CAPRIN1: variants seen among roughly 807,000 people sequenced by gnomAD.
The protein encoded by CAPRIN1 is caprin-1.
Under a neutral mutation model 100.9 loss-of-function variants are expected in CAPRIN1, and 29 were observed. The observed-to-expected ratio is 0.29, with a 90% CI of 0.21 to 0.39. The LOEUF is 0.39. CAPRIN1 is among the 10% of genes least tolerant of loss of function. The pLI is 1.00. For synonymous variants in CAPRIN1, 338 were observed against 307.5 expected (o/e 1.10, Z -1.04); for missense variants, 795 against 876.7 (o/e 0.91, Z 1.18).
chr11:34,093,251 A>G (rs2134134641), intron 15 of CAPRIN1, among the ~76,000 whole-genome samples: 1 of 150,834 alleles, frequency 6.6e-6, no homozygotes, highest in African/African-American at 2.4e-5. Flanking sequence ...GTTGGAGTGC[A>G]GTGGTGTAAT....
At position 34,100,668 on chromosome 11, in the gene CAPRIN1, C is replaced by T. The variant is rs1023783322; in HGVS notation, c.*1301C>T. On this transcript the variant is annotated 3_prime_UTR_variant, in exon 19 of 19. Transcript: ENST00000341394. ...AACCTTAACTGAATTCTCCGTTTCT[C>T]CTGGAGGCATTTATATTCAGTGATA... 1 of 152,460 alleles carries T rather than the reference C, an allele frequency of 6.6e-6. No individual in the cohort carries two copies. The highest frequency in any genetic ancestry group is 1.5e-5 in the Non-Finnish European group (1 of 68,014). The allele number at this position is 152,460 out of a possible 1,614,324, so 9.4% of individuals were successfully genotyped here.
chr11:34,090,805 T>C (rs1346232546), intron 14 of CAPRIN1, 127 bp downstream of exon 14: 1 of 744,604 alleles, frequency 1.3e-6, no homozygotes, highest in African/African-American at 1.8e-5. Flanking sequence ...GTAGGGTATA[T>C]TTAATTGAAC....
At position 34,061,367 on chromosome 11, in the gene CAPRIN1, C is replaced by T. The variant is rs1376702076; in HGVS notation, c.216+8731C>T. On this transcript the variant is annotated intron_variant, in intron 2 of 18. Coordinates refer to ENST00000341394, the MANE Select transcript of CAPRIN1 (RefSeq NM_005898.5). Reference sequence around the variant, plus strand: ...TATTATAGGCAACCACCACCGCACCCGGCTAATTTTCTGTATTTTTAGTAG... The same window carrying T: ...TATTATAGGCAACCACCACCGCACCTGGCTAATTTTCTGTATTTTTAGTAG... 3.3e-5 allele frequency among the ~76,000 whole-genome samples: 5 copies of T among 151,994 alleles called. No individual in the cohort carries two copies. In the East Asian group the frequency reaches 7.8e-4, roughly 24 times the overall value.
chr11:34,101,071 C>T lies in CAPRIN1; in HGVS notation c.*1704C>T, dbSNP rs1030228106. On this transcript the variant is annotated 3_prime_UTR_variant, in exon 19 of 19. Coordinates refer to ENST00000341394, the MANE Select transcript of CAPRIN1 (RefSeq NM_005898.5). ...CAAAATGGATAGGCTGTTGAACATT[C>T]CACATTCAAAAGTTTTGTAGGGTGG... The T allele has an allele frequency of 1.3e-5, 2 of 152,512 alleles. No individual in the cohort carries two copies. Among genetic ancestry groups the T allele is most frequent in the African/African-American group, 4.8e-5 (2 of 41,406 alleles). The allele number at this position is 152,512 out of a possible 1,614,324, so 9.4% of individuals were successfully genotyped here.
At chr11:34,091,767 A>G (rs544976552) in intron 14 of CAPRIN1, 139 bp from the exon 15 acceptor site, 2 of 689,928 alleles carry the variant, frequency 2.9e-6, no homozygotes, top group African/African-American at 1.8e-5. Flanking sequence ...GGATTTTTGT[A>G]TGTGTGTGTG....
chr11:34,089,057 C>A (rs1431464292), intron 11 of CAPRIN1, among the ~76,000 whole-genome samples: 3 of 151,502 alleles, frequency 2.0e-5, no homozygotes, highest in Non-Finnish European at 2.9e-5. Flanking sequence ...TTGCTTGAGC[C>A]TAGGAGTTTG....
intron 7 of CAPRIN1, among the ~76,000 whole-genome samples, chr11:34,080,598 C>A (rs1851008413): frequency 6.6e-6 from 1 of 152,206 alleles, no homozygotes; most frequent in Non-Finnish European, 1.5e-5. Context: ...TATAGCTAGA[C>A]ACTTAACTGT....
intron 2 of CAPRIN1, among the ~76,000 whole-genome samples, chr11:34,066,931 AT>A (rs35440557): frequency 0.015 from 1,899 of 130,850 alleles, 28 homozygotes; most frequent in African/African-American, 0.033. Context: ...CACACCCAGC[AT>A]TTTTTTTTTT....
intron 13 of CAPRIN1, 107 bp downstream of exon 13, chr11:34,090,396 G>A (rs1048159200): frequency 1.6e-6 from 2 of 1,262,944 alleles, no homozygotes; most frequent in African/African-American, 3.0e-5. Flanking sequence ...GACCTACTTT[G>A]CTTTCATGAA....
At chr11:34,060,294 A>G (rs1309153547) in intron 2 of CAPRIN1, among the ~76,000 whole-genome samples, 1 of 151,852 alleles carries the variant, frequency 6.6e-6, no homozygotes, top group Non-Finnish European at 1.5e-5. Context: ...ACCATTGTAC[A>G]TTATTGGAAA....
rs377578740 is a variant in CAPRIN1 at position 34,052,677 on chromosome 11, G to T, written c.216+41G>T. 176 of 1,553,162 alleles carry T rather than the reference G, an allele frequency of 1.1e-4. No individual in the cohort carries two copies. In the African/African-American group the frequency reaches 2.2e-3, roughly 19 times the overall value. On this transcript the variant is annotated intron_variant, in intron 2 of 18. Transcript: ENST00000341394. ...GGGGAAGGGAGGGGTGGCTGCGGCC[G>T]GGCTCTGCGGCCCCTCCGACCCTGG...
intron 7 of CAPRIN1, among the ~76,000 whole-genome samples, chr11:34,081,231 CTGTT>C (rs563643824): frequency 1.4e-4 from 21 of 148,016 alleles, no homozygotes; most frequent in African/African-American, 4.0e-4. Flanking sequence ...GAGACAGTCT[CTGTT>C]TGTCACTCAG....
At chr11:34,072,024 TTTG>T (rs1850812499) in intron 4 of CAPRIN1, 37 bp downstream of exon 4, 1 of 1,426,380 alleles carries the variant, frequency 7.0e-7, no homozygotes, top group Non-Finnish European at 9.8e-7. Flanking sequence ...ATGAAATACT[TTTG>T]TTGTTTCTTT....
At chr11:34,083,825 T>C (rs542981463) in intron 9 of CAPRIN1, among the ~76,000 whole-genome samples, 15 of 152,298 alleles carry the variant, frequency 9.8e-5, no homozygotes, top group African/African-American at 2.9e-4. Context: ...CCCAGCACTT[T>C]GTGGGGCTGA....
At chr11:34,076,682 A>G in intron 6 of CAPRIN1, 40 bp downstream of exon 6, 2 of 1,351,026 alleles carry the variant, frequency 1.5e-6, no homozygotes, top group Non-Finnish European at 2.1e-6. Context: ...ATAACTAGGA[A>G]TCTTTAAAAA....
chr11:34,086,468 G>A (rs560965021), intron 11 of CAPRIN1, 55 bp downstream of exon 11: 1 of 1,009,646 alleles, frequency 9.9e-7, no homozygotes, highest in Non-Finnish European at 1.5e-6. Flanking sequence ...GTACTTTCAG[G>A]TTTTAAAAAG....
intron 18 of CAPRIN1, 22 bp downstream of exon 18, chr11:34,097,783 C>A (rs1328478911): frequency 1.2e-6 from 2 of 1,613,934 alleles, no homozygotes; most frequent in South Asian, 2.2e-5. Flanking sequence ...TGGTGGTGAT[C>A]CTAGCTCCTA....
chr11:34,086,294 T>G lies in CAPRIN1; in HGVS notation c.1123-11T>G, dbSNP rs1178638148. On this transcript the variant is annotated splice_polypyrimidine_tract_variant and intron_variant, in intron 10 of 18. Transcript: ENST00000341394. ...TTATTTGACTTTATTCTATCCTAAC[T>G]TAACCTGTAGGATTCAATGCTGGAT... is the stretch of plus-strand genomic sequence containing the variant. 1.9e-6 allele frequency: 3 copies of G among 1,609,008 alleles called. No individual in the cohort carries two copies. The highest frequency in any genetic ancestry group is 2.6e-6 in the Non-Finnish European group (3 of 1,175,710).
chr11:34,078,224 A>G (rs765325139), intron 6 of CAPRIN1, among the ~76,000 whole-genome samples: 7 of 152,204 alleles, frequency 4.6e-5, no homozygotes, highest in Admixed American at 2.6e-4. Flanking sequence ...AGGAAAACAT[A>G]TGAAGTGTTC....
Sources: gnomAD v4.1 joint callset for allele counts (sites outside exome capture counted in the v4.1 genomes callset) on GRCh38, gnomAD v4.1.1 for gene constraint, MANE v1.5 for transcripts, NCBI Gene and HGNC (gene_info 2026-07-23, HGNC 2026-07-21) for gene names.